MGMT: variants seen among roughly 807,000 people sequenced by gnomAD.
MGMT encodes methylated-DNA--protein-cysteine methyltransferase.
A neutral mutation model predicts 15.9 loss-of-function variants in MGMT; 14 were observed. The observed-to-expected ratio is 0.88, with a 90% CI of 0.58 to 1.37. MGMT has a LOEUF of 1.37. Ranked by LOEUF, MGMT falls within the 40% of genes most tolerant of loss-of-function variation. The pLI is 0.00. For synonymous variants in MGMT, 130 were observed against 118.2 expected, an observed-to-expected ratio of 1.10 and a Z score of -0.65; for missense variants, 282 against 268.1, an observed-to-expected ratio of 1.05 and a Z score of -0.36.
intron 2 of MGMT, among the ~76,000 whole-genome samples, chr10:129,579,976 C>T (rs909421228): frequency 2.0e-5 from 3 of 152,204 alleles, no homozygotes; most frequent in Admixed American, 2.0e-4. Flanking sequence ...CTGGGAGGAA[C>T]ACTCCTTAGG....
At chr10:129,520,468 A>AGG (rs1564840908) in intron 1 of MGMT, among the ~76,000 whole-genome samples, 1 of 151,268 alleles carries the variant, frequency 6.6e-6, no homozygotes, top group Non-Finnish European at 1.5e-5. Flanking sequence ...CCTGTGGTGC[A>AGG]TGTACAGAGC....
chr10:129,708,191 G>A (rs1848190209), intron 3 of MGMT, 148 bp downstream of exon 3: 6 of 1,095,974 alleles, frequency 5.5e-6, no homozygotes, highest in Admixed American at 2.5e-5. Context: ...CTGGAGGGAC[G>A]GGGGTTCGCC....
intron 2 of MGMT, among the ~76,000 whole-genome samples, chr10:129,649,628 G>A (rs539709663): frequency 5.3e-5 from 8 of 152,318 alleles, no homozygotes; most frequent in African/African-American, 1.9e-4. Context: ...GGTTGAGAGA[G>A]AGAAAGAGAG....
intron 2 of MGMT, among the ~76,000 whole-genome samples, chr10:129,565,713 T>C (rs911234429): frequency 2.6e-5 from 4 of 152,176 alleles, no homozygotes; most frequent in African/African-American, 9.7e-5. Flanking sequence ...CAGGAGCATC[T>C]GAACGTGGTG....
intron 2 of MGMT, among the ~76,000 whole-genome samples, chr10:129,547,579 T>C (rs1466851437): frequency 6.6e-6 from 1 of 151,172 alleles, no homozygotes; most frequent in African/African-American, 2.4e-5. Flanking sequence ...GGGGGCTGGG[T>C]GGGGCAGGGG....
intron 3 of MGMT, among the ~76,000 whole-genome samples, chr10:129,756,823 A>T (rs56357233): frequency 0.094 from 14,290 of 152,294 alleles, 859 homozygotes; most frequent in Non-Finnish European, 0.13. Context: ...TGATTGTTCC[A>T]GCTGCTGAGG....
chr10:129,674,194 T>C (rs1847758353), intron 2 of MGMT, among the ~76,000 whole-genome samples: 1 of 152,180 alleles, frequency 6.6e-6, no homozygotes, highest in African/African-American at 2.4e-5. Flanking sequence ...TAGAAACCAC[T>C]CAAATGCTTT....
chr10:129,474,109 T>C lies in MGMT; in HGVS notation c.-13+6813T>C, dbSNP rs1042887774. Reference sequence around the variant, plus strand: ...GGTACATTTGGGGACCTGGCCATAGTTGAATTTGAGCAGGGTGTGGCAAGC... The same window carrying C: ...GGTACATTTGGGGACCTGGCCATAGCTGAATTTGAGCAGGGTGTGGCAAGC... On this transcript the variant is annotated intron_variant, in intron 1 of 4. Transcript: ENST00000651593. Among the ~76,000 whole-genome samples, 3 of 152,048 alleles carry C rather than the reference T, an allele frequency of 2.0e-5. No individual in the cohort carries two copies. In the South Asian group the frequency reaches 6.2e-4, roughly 32 times the overall value.
chr10:129,714,757 T>C lies in MGMT; in HGVS notation c.274+6714T>C, dbSNP rs570936973. ...ATTTTTGTTTGAGACTTAAAAACTG[T>C]GCGCATTGAAGGAATGTTTTGCCGT... is the stretch of plus-strand genomic sequence containing the variant. On this transcript the variant is annotated intron_variant, in intron 3 of 4. Coordinates refer to ENST00000651593, the MANE Select transcript of MGMT (RefSeq NM_002412.5). Among the ~76,000 whole-genome samples, 76 of 152,286 alleles carry C rather than the reference T, an allele frequency of 5.0e-4. 1 individual carries two copies. Among genetic ancestry groups the C allele is most frequent in the African/African-American group, 1.5e-3 (63 of 41,550 alleles).
chr10:129,518,859 A>C (rs529484719), intron 1 of MGMT, among the ~76,000 whole-genome samples: 6 of 151,922 alleles, frequency 3.9e-5, no homozygotes, highest in African/African-American at 1.2e-4. Flanking sequence ...GGGCTTCAAC[A>C]GCCCAACCCC....
chr10:129,558,913 G>A (rs74160226), intron 2 of MGMT, among the ~76,000 whole-genome samples: 1 of 152,162 alleles, frequency 6.6e-6, no homozygotes, highest in African/African-American at 2.4e-5. Flanking sequence ...CCGACGCCGG[G>A]CTGGTCTGTT....
intron 2 of MGMT, among the ~76,000 whole-genome samples, chr10:129,620,255 T>C (rs540558545): frequency 2.1e-4 from 32 of 152,380 alleles, no homozygotes; most frequent in African/African-American, 6.7e-4. Flanking sequence ...TTATGTACTG[T>C]AATTATTGTA....
rs541003917 is a variant in MGMT at position 129,760,470 on chromosome 10, T to G, written c.414+1129T>G. Among the ~76,000 whole-genome samples the G allele has an allele frequency of 3.3e-5, 5 of 152,358 alleles. No homozygotes were observed. In the South Asian group the frequency reaches 1.0e-3, roughly 32 times the overall value. ...ACTCCATCATGGGATGGGAAATTAC[T>G]AAATCAGATAGACCTCACTTTTTGA... On this transcript the variant is annotated intron_variant, in intron 4 of 4. Transcript: ENST00000651593.
chr10:129,655,572 A>C (rs1847516089), intron 2 of MGMT, among the ~76,000 whole-genome samples: 1 of 152,112 alleles, frequency 6.6e-6, no homozygotes, highest in South Asian at 2.1e-4. Flanking sequence ...GCTTCTGTGC[A>C]TGTTCGTGTG....
chr10:129,486,239 G>A (rs1057359179), intron 1 of MGMT, among the ~76,000 whole-genome samples: 8 of 148,150 alleles, frequency 5.4e-5, no homozygotes, highest in South Asian at 4.3e-4. Flanking sequence ...TCAGGCTGGA[G>A]TGCGATGGCA....
intron 2 of MGMT, among the ~76,000 whole-genome samples, chr10:129,666,344 T>A (rs1431857281): frequency 6.6e-6 from 1 of 152,188 alleles, no homozygotes; most frequent in Non-Finnish European, 1.5e-5. Flanking sequence ...TAATTTGGGA[T>A]CACAATGAAT....
chr10:129,659,064 A>G lies in MGMT; in HGVS notation c.126-48831A>G, dbSNP rs1467149929. Among the ~76,000 whole-genome samples the G allele has an allele frequency of 6.6e-6, 1 of 152,196 alleles. No homozygotes were observed. Among genetic ancestry groups the G allele is most frequent in the Non-Finnish European group, 1.5e-5 (1 of 68,050 alleles). On this transcript the variant is annotated intron_variant, in intron 2 of 4. Coordinates refer to ENST00000651593, the MANE Select transcript of MGMT (RefSeq NM_002412.5). This position sits in a 1 kb window ranked among gnomAD's most constrained non-coding sequence, Gnocchi z 4.1. ...TTCTGATGACTTCATGTTGTTTCAG[A>G]AGATACTCAAGGCCGGGTGCAGTGG... is the stretch of plus-strand genomic sequence containing the variant.
intron 2 of MGMT, among the ~76,000 whole-genome samples, chr10:129,606,390 T>C (rs972634192): frequency 3.3e-5 from 5 of 152,222 alleles, no homozygotes; most frequent in Admixed American, 2.0e-4. Context: ...CCTGTCTTCG[T>C]TGACTTTTGT....
chr10:129,536,318 T>A lies in MGMT; in HGVS notation c.66T>A (p.Ser22=), dbSNP rs778105878. ...GCCCTTTGGGGAAGCTGGAGCTGTC[T>A]GGTTGTGAGCAGGGTCTGCACGAAA... is the stretch of plus-strand genomic sequence containing the variant. ...LDSPLGKLEL[S]GCEQGLHEIK... Residue 22 remains serine (S), a synonymous_variant, in exon 2 of 5, where the codon TCT becomes TCA. Coordinates refer to ENST00000651593, the MANE Select transcript of MGMT (RefSeq NM_002412.5). 6 of 1,614,010 alleles carry A rather than the reference T, an allele frequency of 3.7e-6. No individual in the cohort carries two copies. The African/African-American group carries it at 5.3e-5, about 14-fold the overall frequency.
Sources: allele counts gnomAD v4.1 joint callset (sites outside exome capture counted in the v4.1 genomes callset), GRCh38; gene constraint gnomAD v4.1.1; non-coding constraint Gnocchi (gnomAD v3.1); transcripts MANE v1.5; gene names NCBI Gene and HGNC (gene_info 2026-07-23, HGNC 2026-07-21).